PIAS1: variants seen among roughly 807,000 people sequenced by gnomAD.
The protein encoded by PIAS1 is protein inhibitor of activated STAT 1.
A neutral mutation model predicts 71.3 loss-of-function variants in PIAS1; 6 were observed. The ratio of observed to expected loss-of-function variants is 0.08; its 90% CI spans 0.05 to 0.17. The LOEUF is 0.17. Among genes scored for constraint, PIAS1 ranks in the 10% least tolerant of loss-of-function variants. The pLI, the probability that PIAS1 is intolerant of heterozygous loss-of-function variation, is 1.00. For synonymous variants in PIAS1, 303 were observed against 292.9 expected (o/e 1.03, Z -0.35); for missense variants, 555 against 793.6 (o/e 0.70, Z 3.61).
intron 1 of PIAS1, among the ~76,000 whole-genome samples, chr15:68,075,832 A>T (rs1303238864): frequency 1.4e-5 from 2 of 141,584 alleles, no homozygotes; most frequent in Admixed American, 1.5e-4. Flanking sequence ...CGCAGGCTGG[A>T]GTGCAATGAT....
chr15:68,160,877 T>G lies in PIAS1; in HGVS notation c.935-3854T>G, dbSNP rs534052116. 7.5e-4 allele frequency among the ~76,000 whole-genome samples: 115 copies of G among 152,334 alleles called. 1 individual carries two copies. The highest frequency in any genetic ancestry group is 2.6e-3 in the African/African-American group (108 of 41,584). The stretch of plus-strand genomic sequence containing the variant: ...CACTAATGGTCTAAAACTTGAATGC[T>G]TCACTCCTAAGATTGAGAACAAGGC... On this transcript the variant is annotated intron_variant, in intron 7 of 13. Coordinates refer to ENST00000249636, the MANE Select transcript of PIAS1 (RefSeq NM_016166.3).
chr15:68,133,378 A>G (rs2141034614), intron 2 of PIAS1, among the ~76,000 whole-genome samples: 1 of 152,278 alleles, frequency 6.6e-6, no homozygotes, highest in African/African-American at 2.4e-5. Context: ...TCTATTCAAA[A>G]TACTATTGAG....
At position 68,169,744 on chromosome 15, in the gene PIAS1, T is replaced by C. The variant is rs150709568; in HGVS notation, c.1009-3988T>C. The stretch of plus-strand genomic sequence containing the variant: ...GGGTCTCCTAGTGTACAAAGTGATT[T>C]TTAAAGCAAATATGTTTCTGTACTT... On this transcript the variant is annotated intron_variant, in intron 8 of 13. Coordinates refer to ENST00000249636, the MANE Select transcript of PIAS1 (RefSeq NM_016166.3). Among the ~76,000 whole-genome samples the C allele has an allele frequency of 9.8e-5, 15 of 152,340 alleles. No homozygotes were observed. In the East Asian group the frequency reaches 2.7e-3, roughly 27 times the overall value.
chr15:68,117,022 T>C (rs142551558), intron 2 of PIAS1, among the ~76,000 whole-genome samples: 39 of 152,264 alleles, frequency 2.6e-4, no homozygotes, highest in Non-Finnish European at 4.7e-4. Context: ...TCATTGTCTG[T>C]TTGTGATGAG....
chr15:68,066,115 GTTTTTTC>G (rs756322495), intron 1 of PIAS1, among the ~76,000 whole-genome samples: 3 of 150,596 alleles, frequency 2.0e-5, no homozygotes, highest in Non-Finnish European at 4.4e-5. Context: ...TCAAGGTTAT[GTTTTTTC>G]TTTTTTCTTT....
chr15:68,073,942 G>A (rs1346965384), intron 1 of PIAS1, among the ~76,000 whole-genome samples: 1 of 152,154 alleles, frequency 6.6e-6, no homozygotes, highest in Non-Finnish European at 1.5e-5. Context: ...ATATTTTAAG[G>A]TGTTAAGATT....
chr15:68,057,178 A>G (rs770142924), intron 1 of PIAS1, among the ~76,000 whole-genome samples: 7 of 152,242 alleles, frequency 4.6e-5, no homozygotes, highest in Non-Finnish European at 7.3e-5. Context: ...CAACACTTCA[A>G]GATATTGCCA....
chr15:68,168,341 C>A (rs796754993), intron 8 of PIAS1, among the ~76,000 whole-genome samples: 6 of 152,158 alleles, frequency 3.9e-5, no homozygotes, highest in African/African-American at 1.4e-4. Flanking sequence ...TTTTTCCTTT[C>A]CTTTTGCAAG....
chr15:68,099,344 T>C (rs1213019644), intron 2 of PIAS1, among the ~76,000 whole-genome samples: 2 of 151,602 alleles, frequency 1.3e-5, no homozygotes, highest in East Asian at 3.8e-4. Context: ...TTTTATAGAC[T>C]TAAGAAATTT....
intron 2 of PIAS1, among the ~76,000 whole-genome samples, chr15:68,094,655 C>G (rs146614847): frequency 3.3e-5 from 5 of 152,218 alleles, no homozygotes; most frequent in African/African-American, 1.2e-4. Context: ...GATACAAATT[C>G]AAGGACGCAG....
At chr15:68,073,226 C>T (rs1029332015) in intron 1 of PIAS1, among the ~76,000 whole-genome samples, 1 of 152,094 alleles carries the variant, frequency 6.6e-6, no homozygotes, top group Non-Finnish European at 1.5e-5. Context: ...ACTGTATTAG[C>T]CAGGATGGTC....
chr15:68,078,128 T>G (rs552339240), intron 1 of PIAS1, among the ~76,000 whole-genome samples: 2 of 152,368 alleles, frequency 1.3e-5, no homozygotes, highest in African/African-American at 4.8e-5. Flanking sequence ...TTAATAGACT[T>G]AAAACTTCTT....
At position 68,129,794 on chromosome 15, in the gene PIAS1, T is replaced by TACACAC. The variant is rs67860159; in HGVS notation, c.470-12115_470-12110dup. 4.4e-3 allele frequency among the ~76,000 whole-genome samples: 645 copies of TACACAC among 145,088 alleles called. 7 individuals are homozygous for TACACAC. The highest frequency in any genetic ancestry group is 0.011 in the African/African-American group (426 of 39,120). ...AAGCAGATTGCAAAATAATTGTATT[T>TACACAC]ACACACACACACACACACACACACA... On this transcript the variant is annotated intron_variant, in intron 2 of 13. Coordinates refer to ENST00000249636, the MANE Select transcript of PIAS1 (RefSeq NM_016166.3).
chr15:68,122,758 T>C (rs2092622300), intron 2 of PIAS1, among the ~76,000 whole-genome samples: 1 of 152,194 alleles, frequency 6.6e-6, no homozygotes, highest in South Asian at 2.1e-4. Flanking sequence ...AGAAGTGATA[T>C]GATCAGCACT....
intron 2 of PIAS1, among the ~76,000 whole-genome samples, chr15:68,099,961 T>C (rs2092409130): frequency 6.6e-6 from 1 of 152,162 alleles, no homozygotes; most frequent in Non-Finnish European, 1.5e-5. Context: ...GTGCATATTT[T>C]TCTCATTCTT....
intron 2 of PIAS1, among the ~76,000 whole-genome samples, chr15:68,127,843 ACCT>A (rs1236638635): frequency 6.6e-6 from 1 of 151,790 alleles, no homozygotes; most frequent in Admixed American, 6.6e-5. Flanking sequence ...GCTCGCTGCA[ACCT>A]CCTCCTGCAG....
chr15:68,066,165 G>C (rs1332116534), intron 1 of PIAS1, among the ~76,000 whole-genome samples: 1 of 151,896 alleles, frequency 6.6e-6, no homozygotes, highest in African/African-American at 2.4e-5. Flanking sequence ...TGTTGCCCAG[G>C]TTGGAGTGCA....
At chr15:68,107,798 A>C (rs1236860767) in intron 2 of PIAS1, among the ~76,000 whole-genome samples, 2 of 151,378 alleles carry the variant, frequency 1.3e-5, no homozygotes, top group African/African-American at 4.8e-5. Context: ...ACATTTAAGA[A>C]AAAAAAAAAC....
chr15:68,175,921 G>T (rs1324701368), intron 10 of PIAS1, among the ~76,000 whole-genome samples, 154 bp downstream of exon 10: 1 of 152,094 alleles, frequency 6.6e-6, no homozygotes, highest in Non-Finnish European at 1.5e-5. Context: ...AGAAGTAATA[G>T]AACTCCTTTT....
Sources: gnomAD v4.1 joint callset for allele counts (sites outside exome capture counted in the v4.1 genomes callset) on GRCh38, gnomAD v4.1.1 for gene constraint, MANE v1.5 for transcripts, NCBI Gene and HGNC (gene_info 2026-07-23, HGNC 2026-07-21) for gene names.